Variants in TPCN2 observed in about 807,000 individuals in gnomAD.
The protein encoded by TPCN2 is two pore segment channel 2.
TPCN2 carries 92 observed loss-of-function variants against 111.4 expected under a neutral mutation model. The ratio of observed to expected loss-of-function variants is 0.83; its 90% confidence interval spans 0.70 to 0.98. The LOEUF (loss-of-function observed/expected upper bound fraction) is 0.98, where lower values mean the gene tolerates loss of function less well. TPCN2 is among the 50% of genes least tolerant of loss of function. The pLI, the probability that TPCN2 is intolerant of heterozygous loss-of-function variation, is 0.00. For synonymous variants in TPCN2, 405 were observed against 414.5 expected, an observed-to-expected ratio of 0.98 and a Z score of 0.28; for missense variants, 995 against 980.1, an observed-to-expected ratio of 1.02 and a Z score of -0.20.
intron 9 of TPCN2, among the ~76,000 whole-genome samples, 170 bp downstream of exon 9, chr11:69,070,665 C>T (rs185482084): frequency 8.2e-4 from 124 of 150,814 alleles, no homozygotes; most frequent in African/African-American, 2.8e-3. Flanking sequence ...CCCCCACCAA[C>T]AGCTTCACCC....
intron 13 of TPCN2, among the ~76,000 whole-genome samples, chr11:69,076,576 C>CCGTG (rs1855761824): frequency 6.7e-6 from 1 of 149,546 alleles, no homozygotes; most frequent in African/African-American, 2.5e-5. Context: ...TGCCCTCCTG[C>CCGTG]TCTGTCCCTC....
intron 1 of TPCN2, among the ~76,000 whole-genome samples, chr11:69,052,110 CA>C: frequency 6.6e-6 from 1 of 152,172 alleles, no homozygotes; most frequent in Middle Eastern, 3.2e-3. Flanking sequence ...TGGATGGTTC[CA>C]GGGGTGCCCA....
chr11:69,067,287 C>G (rs1310022970), intron 7 of TPCN2, among the ~76,000 whole-genome samples: 1 of 152,254 alleles, frequency 6.6e-6, no homozygotes, highest in Non-Finnish European at 1.5e-5. Flanking sequence ...GGCACCGTGT[C>G]CATGCGGGTG....
In TPCN2 at chr11:69,085,828, G is replaced by A. The variant is rs368777708; in HGVS notation, c.1921-20G>A. The A allele has an allele frequency of 1.4e-5, 23 of 1,613,756 alleles. No homozygotes were observed. The highest frequency in any genetic ancestry group is 4.5e-5 in the East Asian group (2 of 44,862). The stretch of plus-strand genomic sequence containing the variant: ...CCTACCTCCTGGGCCCTCCTGGACC[G>A]CTGGTCTCTGCCCCCGCAGGCTGCC... On this transcript the variant is annotated intron_variant, in intron 21 of 24. Transcript: ENST00000294309.
In TPCN2 at chr11:69,062,911, C is replaced by A. The variant is rs760271280; in HGVS notation, c.574C>A (p.Pro192Thr). The A allele has an allele frequency of 6.2e-7, 1 of 1,614,008 alleles. No homozygotes were observed. The highest frequency in any genetic ancestry group is 8.5e-7 in the Non-Finnish European group (1 of 1,179,918). The change falls in exon 6 of 25, where the codon CCC (proline) becomes ACC (threonine). Residue 192 changes from proline (P) to threonine (T), a missense_variant. Pro to Thr is a conservative substitution (Grantham distance 38). Coordinates refer to ENST00000294309, the MANE Select transcript of TPCN2 (RefSeq NM_139075.4). ...EPLRIRRLLRPFFLLQNSSMM... is the reference protein window; with the variant it reads ...EPLRIRRLLRTFFLLQNSSMM... ...CCTGCGGATCCGCCGGCTTCTCCGT[C>A]CCTTCTTCCTGCTGCAGAACTCCTC...
In TPCN2 at chr11:69,087,094, A is replaced by AC; in HGVS notation, c.2086-17dup. Reference sequence around the variant, plus strand: ...CATTCGGGGCCCACACTCACTGGCCACTCCTCCTGCTTGCCAGAACTTCCT... The same window carrying AC: ...CATTCGGGGCCCACACTCACTGGCCACCTCCTCCTGCTTGCCAGAACTTCCT... On this transcript the variant is annotated splice_polypyrimidine_tract_variant and intron_variant, in intron 23 of 24. Transcript: ENST00000294309. 1 of 1,610,438 alleles carries AC rather than the reference A, an allele frequency of 6.2e-7. No homozygotes were observed. Among genetic ancestry groups the AC allele is most frequent in the Non-Finnish European group, 8.5e-7 (1 of 1,177,140 alleles).
intron 1 of TPCN2, among the ~76,000 whole-genome samples, chr11:69,052,690 A>G (rs1290524577): frequency 1.3e-5 from 2 of 152,144 alleles, no homozygotes; most frequent in Admixed American, 1.3e-4. Context: ...CATGCCCCCA[A>G]GCAGGAGCCC....
chr11:69,055,094 G>A lies in TPCN2; in HGVS notation c.252-81G>A, dbSNP rs1854696330. Reference sequence around the variant, plus strand: ...CAGGCAGCGCCAACTCCCGTGCTTCGGACTGGGGAAGCTCCTGACCAGCCT... The same window carrying A: ...CAGGCAGCGCCAACTCCCGTGCTTCAGACTGGGGAAGCTCCTGACCAGCCT... On this transcript the variant is annotated intron_variant, in intron 3 of 24. Transcript: ENST00000294309. 7.5e-6 allele frequency: 11 copies of A among 1,472,542 alleles called. No homozygotes were observed. The South Asian group carries it at 7.7e-5, about 10-fold the overall frequency. The allele number at this position is 1,472,542 out of a possible 1,614,324, so 91.2% of individuals were successfully genotyped here.
In TPCN2 at chr11:69,078,524, G is replaced by C; in HGVS notation, c.1273G>C (p.Ala425Pro). ...PEYQSPFLQS[A>P]QFLFGHYYFD... is the part of the protein sequence containing the mutation. ...GTACCAGTCTCCGTTTCTGCAGAGC[G>C]CCCAGTTCCTCTTCGGCCACTACTA... Residue 425 changes from alanine to proline, a missense_variant, in exon 14 of 25, where the codon GCC becomes CCC. Transcript: ENST00000294309. 1 of 1,614,110 alleles carries C rather than the reference G, an allele frequency of 6.2e-7. No individual in the cohort carries two copies. The highest frequency in any genetic ancestry group is 8.5e-7 in the Non-Finnish European group (1 of 1,180,030).
At chr11:69,058,849 C>T (rs10896402) in intron 5 of TPCN2, among the ~76,000 whole-genome samples, 64,247 of 152,244 alleles carry the variant, frequency 0.42, 13,969 homozygotes, top group Non-Finnish European at 0.47. Flanking sequence ...CTCCCACCGC[C>T]ATTTCTGAGT....
intron 13 of TPCN2, among the ~76,000 whole-genome samples, chr11:69,076,453 A>T (rs1412905334): frequency 6.6e-6 from 1 of 151,942 alleles, no homozygotes; most frequent in Non-Finnish European, 1.5e-5. Flanking sequence ...TCCCCTGGGG[A>T]CTATGTGTCT....
At chr11:69,078,864 T>A in intron 15 of TPCN2, 28 bp from the exon 16 acceptor site, 1 of 1,614,050 alleles carries the variant, frequency 6.2e-7, no homozygotes, top group Non-Finnish European at 8.5e-7. Flanking sequence ...TGGGGCCCAA[T>A]GCTGGGTGCC....
chr11:69,054,975 A>G (rs113234545), intron 3 of TPCN2, among the ~76,000 whole-genome samples, 178 bp downstream of exon 3: 88 of 152,284 alleles, frequency 5.8e-4, no homozygotes, highest in African/African-American at 2.0e-3. Flanking sequence ...GGCTCCTTCT[A>G]CAACAAGGGT....
In TPCN2 at chr11:69,090,092, T is replaced by G. The variant is rs1856391511; in HGVS notation, c.*2139T>G. On this transcript the variant is annotated 3_prime_UTR_variant, in exon 25 of 25. Transcript: ENST00000294309. ...GAGAGTAGCATCAGGAACCAGGATG[T>G]GGGTGCGAGGCGTGCTCCTGGCTGT... The G allele has an allele frequency of 6.6e-6, 1 of 152,228 alleles. No homozygotes were observed. Among genetic ancestry groups the G allele is most frequent in the Non-Finnish European group, 1.5e-5 (1 of 68,052 alleles). 9.4% of individuals were successfully genotyped at this position (152,228 alleles called of 1,614,324 possible).
At chr11:69,049,527 C>T (rs1436990764) in intron 1 of TPCN2, among the ~76,000 whole-genome samples, 3 of 152,248 alleles carry the variant, frequency 2.0e-5, no homozygotes, top group Middle Eastern at 3.2e-3. Context: ...TTTCCCGTTT[C>T]TTCTGGAAAA....
chr11:69,057,689 C>G lies in TPCN2; in HGVS notation c.541C>G (p.His181Asp). The G allele has an allele frequency of 6.2e-7, 1 of 1,613,994 alleles. No homozygotes were observed. The highest frequency in any genetic ancestry group is 8.5e-7 in the Non-Finnish European group (1 of 1,179,848). The change falls in exon 5 of 25, where the codon CAT becomes GAT. Residue 181 changes from histidine (H) to aspartate (D), a missense_variant. Coordinates refer to ENST00000294309, the MANE Select transcript of TPCN2 (RefSeq NM_139075.4). Reference sequence around the variant, plus strand: ...GACCGTGTCCCTGAGTCTCGTGTGTCATGAGGTAGGTGGTGAGGCAGCCCT... The same window carrying G: ...GACCGTGTCCCTGAGTCTCGTGTGTGATGAGGTAGGTGGTGAGGCAGCCCT... ...DWTVSLSLVCHEPLRIRRLLR... is the reference protein window; with the variant it reads ...DWTVSLSLVCDEPLRIRRLLR...
chr11:69,080,660 G>T (rs575809869), intron 17 of TPCN2, among the ~76,000 whole-genome samples: 1 of 152,208 alleles, frequency 6.6e-6, no homozygotes, highest in African/African-American at 2.4e-5. Flanking sequence ...GTCGCTTGGT[G>T]GGGGTGGGGA....
intron 13 of TPCN2, among the ~76,000 whole-genome samples, chr11:69,076,515 A>G (rs1164115978): frequency 2.6e-5 from 4 of 152,024 alleles, no homozygotes; most frequent in Non-Finnish European, 5.9e-5. Context: ...TCCACCCCGT[A>G]GCATCCGGAA....
chr11:69,081,490 C>A lies in TPCN2; in HGVS notation c.1680C>A (p.Pro560=). Reference sequence around the variant, plus strand: ...TGTTCCGCTTCCTGCGTATCATCCCCAGCATGAAGGTGTGTGCCGGCCCCA... The same window carrying A: ...TGTTCCGCTTCCTGCGTATCATCCCAAGCATGAAGGTGTGTGCCGGCCCCA... The part of the protein sequence containing the change: ...LIVFRFLRII[P]SMKLMAVVAS... Residue 560 remains proline, a synonymous_variant, in exon 18 of 25, where the codon CCC becomes CCA. Coordinates refer to ENST00000294309, the MANE Select transcript of TPCN2 (RefSeq NM_139075.4). 1 of 1,567,078 alleles carries A rather than the reference C, an allele frequency of 6.4e-7. No homozygotes were observed.
Sources: gnomAD v4.1 joint callset for allele counts (sites outside exome capture counted in the v4.1 genomes callset) on GRCh38, gnomAD v4.1.1 for gene constraint, MANE v1.5 for transcripts, NCBI Gene and HGNC (gene_info 2026-07-23, HGNC 2026-07-21) for gene names.